LRRC8C: variants seen among roughly 807,000 people sequenced by gnomAD.
The protein encoded by LRRC8C is leucine rich repeat containing 8 VRAC subunit C.
A neutral mutation model predicts 55.3 loss-of-function variants in LRRC8C; 20 were observed. The ratio of observed to expected loss-of-function variants is 0.36; its 90% CI spans 0.25 to 0.53. The LOEUF (loss-of-function observed/expected upper bound fraction) is 0.53, where lower values mean the gene tolerates loss of function less well. LRRC8C is among the 20% of genes least tolerant of loss of function. The pLI, the probability that LRRC8C is intolerant of heterozygous loss-of-function variation, is 0.92. For missense variants in LRRC8C, 659 were observed against 951.4 expected, an observed-to-expected ratio of 0.69 and a Z score of 4.04; for synonymous variants, 376 against 360.7, an observed-to-expected ratio of 1.04 and a Z score of -0.48.
intron 2 of LRRC8C, among the ~76,000 whole-genome samples, chr1:89,710,765 A>G (rs1026712334): frequency 6.6e-6 from 1 of 152,188 alleles, no homozygotes; most frequent in Non-Finnish European, 1.5e-5. Context: ...GCAAGCAGTA[A>G]GCCTTTTCTG....
intron 1 of LRRC8C, among the ~76,000 whole-genome samples, chr1:89,661,761 G>A (rs561929827): frequency 9.2e-5 from 14 of 152,318 alleles, no homozygotes; most frequent in Non-Finnish European, 1.2e-4. Context: ...GGTGTTAAGT[G>A]CTATGGAGAA....
Position 89,717,353 on chromosome 1 carries a change from G to A in LRRC8C, c.*2371G>A, listed in dbSNP as rs942429735. On this transcript the variant is annotated 3_prime_UTR_variant, in exon 3 of 3. Coordinates refer to ENST00000370454, the MANE Select transcript of LRRC8C (RefSeq NM_032270.5). ...GCTTATGCTGAAGTCTTTATCTGGT[G>A]TTAACTAAAAATCTCATATGGGTTC... 1 of 152,084 alleles carries A rather than the reference G, an allele frequency of 6.6e-6. No individual in the cohort carries two copies. Among genetic ancestry groups the A allele is most frequent in the Non-Finnish European group, 1.5e-5 (1 of 68,004 alleles). 9.4% of individuals were successfully genotyped at this position (152,084 alleles called of 1,614,324 possible). A position where few individuals can be genotyped will look rare whatever the true frequency, so the allele number is the denominator to read the frequency against.
intron 1 of LRRC8C, among the ~76,000 whole-genome samples, chr1:89,665,335 A>G (rs1050985853): frequency 6.6e-6 from 1 of 152,196 alleles, no homozygotes; most frequent in Non-Finnish European, 1.5e-5. Context: ...AGTTTTTAGC[A>G]TGAAAGGGTG....
intron 2 of LRRC8C, among the ~76,000 whole-genome samples, chr1:89,691,839 G>T (rs999243291): frequency 3.9e-5 from 6 of 152,100 alleles, no homozygotes; most frequent in Admixed American, 2.0e-4. Flanking sequence ...CAGTGTAAAA[G>T]CAAGTACAAA....
intron 1 of LRRC8C, among the ~76,000 whole-genome samples, chr1:89,678,192 G>A (rs1030805300): frequency 6.6e-5 from 10 of 152,166 alleles, no homozygotes; most frequent in Non-Finnish European, 1.5e-4. Flanking sequence ...TTTAGCTTCA[G>A]TAATAAAAAT....
intron 1 of LRRC8C, among the ~76,000 whole-genome samples, chr1:89,673,785 G>A (rs1657482006): frequency 6.6e-6 from 1 of 152,188 alleles, no homozygotes; most frequent in Non-Finnish European, 1.5e-5. Flanking sequence ...GAAGACCAAT[G>A]TAAATCCAAG....
intron 1 of LRRC8C, among the ~76,000 whole-genome samples, chr1:89,666,643 G>T (rs1035424940): frequency 2.0e-5 from 3 of 152,086 alleles, no homozygotes; most frequent in African/African-American, 7.2e-5. Context: ...AAGAAATCTG[G>T]TGTTCTCTTC....
chr1:89,642,156 AG>A (rs1656474751), intron 1 of LRRC8C, among the ~76,000 whole-genome samples: 1 of 152,192 alleles, frequency 6.6e-6, no homozygotes, highest in African/African-American at 2.4e-5. Context: ...TTTTGCCTCT[AG>A]TACTTGTAAC....
chr1:89,645,764 C>A (rs929599475), intron 1 of LRRC8C, among the ~76,000 whole-genome samples: 2 of 151,794 alleles, frequency 1.3e-5, no homozygotes, highest in East Asian at 3.8e-4. Context: ...AAAATAGGAA[C>A]AATAAGATGT....
At chr1:89,658,645 A>G (rs1212169282) in intron 1 of LRRC8C, among the ~76,000 whole-genome samples, 1 of 152,232 alleles carries the variant, frequency 6.6e-6, no homozygotes, top group Non-Finnish European at 1.5e-5. Context: ...TTATCTTTCC[A>G]AAACTACACA....
intron 1 of LRRC8C, among the ~76,000 whole-genome samples, chr1:89,679,583 A>G (rs1657642929): frequency 6.6e-6 from 1 of 152,174 alleles, no homozygotes; most frequent in East Asian, 1.9e-4. Flanking sequence ...AAGATAAGGA[A>G]TTAGAACTGA....
At chr1:89,689,040 C>T (rs1657956773) in intron 2 of LRRC8C, among the ~76,000 whole-genome samples, 1 of 152,098 alleles carries the variant, frequency 6.6e-6, no homozygotes, top group African/African-American at 2.4e-5. Flanking sequence ...CTCAGGAGGA[C>T]AGCAGTGTGG....
chr1:89,652,455 C>T (rs1040267025), intron 1 of LRRC8C, among the ~76,000 whole-genome samples: 1 of 152,158 alleles, frequency 6.6e-6, no homozygotes, highest in Non-Finnish European at 1.5e-5. Context: ...AAGTAATCAA[C>T]CTTTTCACAA....
chr1:89,646,258 A>G (rs1490288694), intron 1 of LRRC8C, among the ~76,000 whole-genome samples: 1 of 152,136 alleles, frequency 6.6e-6, no homozygotes, highest in Non-Finnish European at 1.5e-5. Flanking sequence ...AATATCAGGA[A>G]TGGAAGAGGG....
rs1658813866 is a variant in LRRC8C at position 89,716,193 on chromosome 1, T to G, written c.*1211T>G. 6.6e-6 allele frequency: 1 copy of G among 152,196 alleles called. No individual in the cohort carries two copies. Among genetic ancestry groups the G allele is most frequent in the Admixed American group, 6.5e-5 (1 of 15,278 alleles). The allele number at this position is 152,196 out of a possible 1,614,324, so 9.4% of individuals were successfully genotyped here. Reference sequence around the variant, plus strand: ...GTATTATAAATTACCTAGAGATGATTTAAAGTATATGGGAGGATGTGCATA... The same window carrying G: ...GTATTATAAATTACCTAGAGATGATGTAAAGTATATGGGAGGATGTGCATA... On this transcript the variant is annotated 3_prime_UTR_variant, in exon 3 of 3. Coordinates refer to ENST00000370454, the MANE Select transcript of LRRC8C (RefSeq NM_032270.5).
chr1:89,707,328 A>T (rs746821483), intron 2 of LRRC8C, among the ~76,000 whole-genome samples: 11 of 151,868 alleles, frequency 7.2e-5, no homozygotes, highest in Non-Finnish European at 1.3e-4. Flanking sequence ...AATCACTTGA[A>T]CCCGGGAGGC....
chr1:89,709,841 T>C (rs1658597708), intron 2 of LRRC8C, among the ~76,000 whole-genome samples: 3 of 148,752 alleles, frequency 2.0e-5, no homozygotes, highest in Admixed American at 6.8e-5. Context: ...AAGCTCCGCC[T>C]CCCGGGTTCA....
At chr1:89,676,149 A>T (rs1657542770) in intron 1 of LRRC8C, 1 of 152,376 alleles carries the variant, frequency 6.6e-6, no homozygotes, top group East Asian at 1.9e-4. Flanking sequence ...AGTGAGATTT[A>T]GAAAAGCAAT....
At chr1:89,639,797 ATT>A (rs1230344788) in intron 1 of LRRC8C, among the ~76,000 whole-genome samples, 1 of 152,192 alleles carries the variant, frequency 6.6e-6, no homozygotes, top group African/African-American at 2.4e-5. Context: ...TTTCTTACCT[ATT>A]TGGAGTATAT....
Sources: allele counts gnomAD v4.1 joint callset (sites outside exome capture counted in the v4.1 genomes callset), GRCh38; gene constraint gnomAD v4.1.1; transcripts MANE v1.5; gene names NCBI Gene and HGNC (gene_info 2026-07-23, HGNC 2026-07-21).